Variants in CADPS2 observed in about 807,000 individuals in gnomAD.
CADPS2 encodes the protein calcium dependent secretion activator 2, also known as calcium-dependent secretion activator 2.
CADPS2 carries 93 observed loss-of-function variants against 172.5 expected under a neutral mutation model. The ratio of observed to expected loss-of-function variants is 0.54; its 90% CI spans 0.46 to 0.64. CADPS2 has a LOEUF of 0.64. CADPS2 is among the 30% of genes least tolerant of loss of function. The pLI is 0.00. For missense variants in CADPS2, 1,420 were observed against 1,565.9 expected, an observed-to-expected ratio of 0.91 and a Z score of 1.57; for synonymous variants, 546 against 555.2, an observed-to-expected ratio of 0.98 and a Z score of 0.23.
chr7:122,556,301 A>G (rs1036877584), intron 7 of CADPS2, among the ~76,000 whole-genome samples: 7 of 151,990 alleles, frequency 4.6e-5, no homozygotes, highest in African/African-American at 1.7e-4. Context: ...CCAAAAAAGA[A>G]TAAAAGACTA....
intron 14 of CADPS2, among the ~76,000 whole-genome samples, chr7:122,459,095 T>C (rs2054143694): frequency 1.3e-5 from 2 of 151,972 alleles, no homozygotes; most frequent in African/African-American, 2.4e-5. Flanking sequence ...TTTGTAAATA[T>C]AATTATAATT....
chr7:122,716,810 G>A (rs2089676716), intron 2 of CADPS2, among the ~76,000 whole-genome samples: 1 of 152,110 alleles, frequency 6.6e-6, no homozygotes, highest in Admixed American at 6.6e-5. Context: ...CTGCTAATAT[G>A]GTGGTTCTTG....
At chr7:122,583,621 C>A (rs950226943) in intron 6 of CADPS2, among the ~76,000 whole-genome samples, 2 of 150,122 alleles carry the variant, frequency 1.3e-5, no homozygotes, top group Admixed American at 1.3e-4. Context: ...ATGATATATA[C>A]ATAATATATA....
chr7:122,437,607 C>G (rs2050795902), intron 17 of CADPS2, among the ~76,000 whole-genome samples: 1 of 151,872 alleles, frequency 6.6e-6, no homozygotes, highest in Non-Finnish European at 1.5e-5. Context: ...ATTAGTTAAT[C>G]CTGCATGTAT....
chr7:122,700,464 G>A (rs2085860177), intron 2 of CADPS2, among the ~76,000 whole-genome samples: 1 of 152,072 alleles, frequency 6.6e-6, no homozygotes, highest in Non-Finnish European at 1.5e-5. Flanking sequence ...ATACATCCCT[G>A]CACATTTTAA....
intron 24 of CADPS2, chr7:122,382,381 TG>T (rs1466164441): frequency 6.6e-6 from 1 of 152,112 alleles, no homozygotes; most frequent in Non-Finnish European, 1.5e-5. Context: ...AAAATAACAA[TG>T]GTTATTGTGT....
chr7:122,329,473 A>G (rs1343163897), intron 28 of CADPS2, among the ~76,000 whole-genome samples: 1 of 152,220 alleles, frequency 6.6e-6, no homozygotes, highest in Non-Finnish European at 1.5e-5. Context: ...GCAATTTTCT[A>G]ACAAGGATTA....
At chr7:122,500,983 A>G (rs981232820) in intron 9 of CADPS2, among the ~76,000 whole-genome samples, 6 of 152,170 alleles carry the variant, frequency 3.9e-5, no homozygotes, top group Non-Finnish European at 7.3e-5. Flanking sequence ...GGCCAGGCAC[A>G]GTGGCTTGTA....
chr7:122,777,921 G>A (rs1042593677), intron 1 of CADPS2, among the ~76,000 whole-genome samples: 1 of 152,076 alleles, frequency 6.6e-6, no homozygotes, highest in South Asian at 2.1e-4. Flanking sequence ...CTGCTATAAC[G>A]ATACGCAAAA....
chr7:122,569,912 CTAAAACCA>C (rs962660012), intron 7 of CADPS2, among the ~76,000 whole-genome samples: 1 of 143,820 alleles, frequency 7.0e-6, no homozygotes, highest in Non-Finnish European at 1.5e-5. Context: ...AACGTTAGAC[CTAAAACCA>C]TAAAAACCCT....
At chr7:122,464,396 C>T (rs1033603154) in intron 14 of CADPS2, among the ~76,000 whole-genome samples, 4 of 152,256 alleles carry the variant, frequency 2.6e-5, no homozygotes, top group South Asian at 4.1e-4. Context: ...AAAGAAGAGA[C>T]ATATATTCCT....
intron 20 of CADPS2, among the ~76,000 whole-genome samples, chr7:122,403,345 C>G (rs754025484): frequency 3.9e-4 from 59 of 152,262 alleles, no homozygotes; most frequent in Non-Finnish European, 4.7e-4. Flanking sequence ...TACCTCTCTA[C>G]ATGGGGGAGC....
At position 122,703,389 on chromosome 7, in the gene CADPS2, C is replaced by G. The variant is rs182993272; in HGVS notation, c.453+33566G>C. On this transcript the variant is annotated intron_variant, in intron 2 of 29. Transcript: ENST00000449022. ...CATTCTGTGGGATGGTTCAACACTA[C>G]CCAGTATGGCATTCTGTGGGAAGTA... Among the ~76,000 whole-genome samples, 12 of 152,194 alleles carry G rather than the reference C, an allele frequency of 7.9e-5. No individual in the cohort carries two copies. In the East Asian group the frequency reaches 2.1e-3, roughly 27 times the overall value.
At chr7:122,587,045 T>TA (rs1372780431) in intron 6 of CADPS2, among the ~76,000 whole-genome samples, 4 of 151,906 alleles carry the variant, frequency 2.6e-5, no homozygotes, top group African/African-American at 9.7e-5. Context: ...AACAGGGATA[T>TA]AAATGAAAGC....
At chr7:122,840,256 A>C (rs1810034225) in intron 1 of CADPS2, among the ~76,000 whole-genome samples, 3 of 152,120 alleles carry the variant, frequency 2.0e-5, no homozygotes, top group Admixed American at 2.0e-4. Flanking sequence ...AGGAAGGGGA[A>C]CATCACACAC....
At chr7:122,684,085 A>C (rs2135891494) in intron 2 of CADPS2, among the ~76,000 whole-genome samples, 1 of 152,322 alleles carries the variant, frequency 6.6e-6, no homozygotes, top group East Asian at 1.9e-4. Flanking sequence ...TAGAGAGCTC[A>C]CATTTATTTC....
intron 14 of CADPS2, among the ~76,000 whole-genome samples, chr7:122,462,123 C>A (rs1274223484): frequency 6.6e-6 from 1 of 152,086 alleles, no homozygotes; most frequent in Non-Finnish European, 1.5e-5. Flanking sequence ...GTTTCTAAAT[C>A]TAAGCAAATA....
At position 122,480,836 on chromosome 7, in the gene CADPS2, T is replaced by A. The variant is rs988355608; in HGVS notation, c.1861+16A>T. On this transcript the variant is annotated intron_variant, in intron 12 of 29. Coordinates refer to ENST00000449022, the MANE Select transcript of CADPS2 (RefSeq NM_017954.11). Reference sequence around the variant, plus strand: ...TTTTTAAAACATCTAATTTTAAAAATCATGAAAATACTTACCTTTACCAGC... The same window carrying A: ...TTTTTAAAACATCTAATTTTAAAAAACATGAAAATACTTACCTTTACCAGC... 27 of 1,500,294 alleles carry A rather than the reference T, an allele frequency of 1.8e-5. No homozygotes were observed. The highest frequency in any genetic ancestry group is 2.4e-5 in the Non-Finnish European group (27 of 1,124,544). The allele number at this position is 1,500,294 out of a possible 1,614,324, so 92.9% of individuals were successfully genotyped here. A position where few individuals can be genotyped will look rare whatever the true frequency, so the allele number is the denominator to read the frequency against.
At chr7:122,761,578 C>G (rs770294571) in intron 1 of CADPS2, among the ~76,000 whole-genome samples, 15 of 151,888 alleles carry the variant, frequency 9.9e-5, no homozygotes, top group African/African-American at 1.7e-4. Context: ...AAGAATCAGA[C>G]CAGCAGGACG....
Sources: gnomAD v4.1 joint callset for allele counts (sites outside exome capture counted in the v4.1 genomes callset) on GRCh38, gnomAD v4.1.1 for gene constraint, MANE v1.5 for transcripts, NCBI Gene and HGNC (gene_info 2026-07-23, HGNC 2026-07-21) for gene names.